Variants in CDK14 observed in about 807,000 individuals in gnomAD.
The protein encoded by CDK14 is cyclin dependent kinase 14.
Under a neutral mutation model 60.7 loss-of-function variants are expected in CDK14, and 34 were observed. That is an observed-to-expected ratio of 0.56 (90% CI 0.43 to 0.75). CDK14 has a LOEUF of 0.75. CDK14 is among the 30% of genes least tolerant of loss of function. The pLI, the probability that CDK14 is intolerant of heterozygous loss-of-function variation, is 0.00. For missense variants in CDK14, 482 were observed against 564.1 expected (o/e 0.85, Z 1.47); for synonymous variants, 197 against 203.7 (o/e 0.97, Z 0.28).
intron 14 of CDK14, among the ~76,000 whole-genome samples, chr7:91,181,118 A>G (rs1314518766): frequency 6.6e-6 from 1 of 152,210 alleles, no homozygotes; most frequent in Non-Finnish European, 1.5e-5. Flanking sequence ...TAATACTATT[A>G]AATATTCAGC....
intron 2 of CDK14, chr7:90,710,008 C>G (rs1490389948): frequency 1.1e-6 from 1 of 946,782 alleles, no homozygotes; most frequent in Non-Finnish European, 1.3e-6. Flanking sequence ...TTTGGAGCAT[C>G]TCGGCAAGTC....
rs114523205 is a variant in CDK14 at position 91,137,986 on chromosome 7, A to G, written c.*28+19778A>G. Among the ~76,000 whole-genome samples, 648 of 152,318 alleles carry G rather than the reference A, an allele frequency of 4.3e-3. 4 individuals are homozygous for G. Among genetic ancestry groups the G allele is most frequent in the African/African-American group, 0.015 (617 of 41,568 alleles). On this transcript the variant is annotated intron_variant, in intron 14 of 14. Coordinates refer to ENST00000380050, the MANE Select transcript of CDK14 (RefSeq NM_001287135.2). ...GGATAATTATTGCATGAACATGGCAAGCTTAAACTAAACAGATGAAAATAG... is the reference window on the plus strand; with the variant it reads ...GGATAATTATTGCATGAACATGGCAGGCTTAAACTAAACAGATGAAAATAG...
intron 14 of CDK14, among the ~76,000 whole-genome samples, chr7:91,130,275 C>T (rs1800077213): frequency 6.6e-6 from 1 of 152,140 alleles, no homozygotes; most frequent in African/African-American, 2.4e-5. Context: ...TGCCACTCCT[C>T]CCACTAATTC....
chr7:90,841,659 T>TACACACACACACACACACACACACACAC (rs57434660), intron 5 of CDK14, among the ~76,000 whole-genome samples: 61 of 139,384 alleles, frequency 4.4e-4, no homozygotes, highest in Middle Eastern at 3.5e-3. Context: ...TATATATATG[T>TACACACACACACACACACACACACACAC]ACACACACAC....
intron 8 of CDK14, among the ~76,000 whole-genome samples, chr7:90,952,241 G>C (rs920834547): frequency 1.3e-5 from 2 of 152,162 alleles, no homozygotes; most frequent in African/African-American, 4.8e-5. Context: ...TAGGGAAAAT[G>C]TCGGGAGCAC....
At chr7:90,699,629 C>G (rs924990610) in intron 2 of CDK14, among the ~76,000 whole-genome samples, 3 of 152,184 alleles carry the variant, frequency 2.0e-5, no homozygotes, top group African/African-American at 7.2e-5. Context: ...CTCTTTCCTC[C>G]TTATCAAACC....
chr7:90,651,083 C>A (rs1452403925), intron 2 of CDK14, among the ~76,000 whole-genome samples: 5 of 152,194 alleles, frequency 3.3e-5, no homozygotes, highest in Admixed American at 3.3e-4. Context: ...TTCTTCCTAT[C>A]CATGAGCATG....
At chr7:91,137,185 C>G (rs1428209375) in intron 14 of CDK14, among the ~76,000 whole-genome samples, 1 of 152,182 alleles carries the variant, frequency 6.6e-6, no homozygotes, top group Non-Finnish European at 1.5e-5. Flanking sequence ...TGTCTCTGAT[C>G]TAAGTAAACT....
At chr7:91,076,270 A>T (rs999111627) in intron 11 of CDK14, among the ~76,000 whole-genome samples, 3 of 146,434 alleles carry the variant, frequency 2.0e-5, no homozygotes, top group Non-Finnish European at 3.0e-5. Context: ...AAAAAAAAAA[A>T]AAAAAATCAT....
rs537053429 is a variant in CDK14 at position 91,060,959 on chromosome 7, T to G, written c.1105+14999T>G. Among the ~76,000 whole-genome samples, 523 of 152,344 alleles carry G rather than the reference T, an allele frequency of 3.4e-3. 3 individuals carry two copies. The highest frequency in any genetic ancestry group is 0.012 in the African/African-American group (493 of 41,576). ...TGAATTTTGGCCTGCCTTGCTAGATTGGGGAAGTTCTCCTGGATAATATCC... is the reference window on the plus strand; with the variant it reads ...TGAATTTTGGCCTGCCTTGCTAGATGGGGGAAGTTCTCCTGGATAATATCC... On this transcript the variant is annotated intron_variant, in intron 11 of 14. Coordinates refer to ENST00000380050, the MANE Select transcript of CDK14 (RefSeq NM_001287135.2).
At position 91,046,099 on chromosome 7, in the gene CDK14, T is replaced by C. The variant is rs879063431; in HGVS notation, c.1105+139T>C. On this transcript the variant is annotated intron_variant, in intron 11 of 14. Transcript: ENST00000380050. The stretch of plus-strand genomic sequence containing the variant: ...TTGTGTACTTTGTCTATTAATGGAA[T>C]TGTCCTTTTATTTTCACAAATTATT... 5.1e-5 allele frequency: 31 copies of C among 610,426 alleles called. No individual in the cohort carries two copies. The South Asian group carries it at 5.9e-4, about 12-fold the overall frequency. 37.8% of individuals were successfully genotyped at this position (610,426 alleles called of 1,614,324 possible).
intron 10 of CDK14, among the ~76,000 whole-genome samples, chr7:91,032,482 A>G (rs1471020798): frequency 6.6e-6 from 1 of 152,166 alleles, no homozygotes; most frequent in Non-Finnish European, 1.5e-5. Context: ...AAATGGGGTA[A>G]TTATCGTTGA....
At chr7:90,953,570 T>C (rs1189523656) in intron 8 of CDK14, among the ~76,000 whole-genome samples, 2 of 152,210 alleles carry the variant, frequency 1.3e-5, no homozygotes, top group African/African-American at 2.4e-5. Context: ...TACTTCTAGA[T>C]TATTTTGAGG....
chr7:90,816,452 T>C (rs1307192083), intron 5 of CDK14, among the ~76,000 whole-genome samples: 1 of 152,242 alleles, frequency 6.6e-6, no homozygotes, highest in Non-Finnish European at 1.5e-5. Flanking sequence ...GGACTTATTT[T>C]CTTTATACTT....
intron 2 of CDK14, among the ~76,000 whole-genome samples, chr7:90,656,117 C>T (rs545555293): frequency 2.0e-5 from 3 of 152,296 alleles, no homozygotes; most frequent in African/African-American, 7.2e-5. Context: ...ATAAGGCAAA[C>T]AGAGTGCACT....
intron 5 of CDK14, among the ~76,000 whole-genome samples, chr7:90,792,497 G>T (rs1805873134): frequency 6.6e-6 from 1 of 152,092 alleles, no homozygotes; most frequent in South Asian, 2.1e-4. Context: ...CATCTGAATG[G>T]AACTCATGAT....
At chr7:90,749,241 A>G (rs372878622) in intron 4 of CDK14, among the ~76,000 whole-genome samples, 139 of 142,932 alleles carry the variant, frequency 9.7e-4, no homozygotes, top group Admixed American at 3.9e-3. Flanking sequence ...GCCTCGTTCT[A>G]TATCTTGAGC....
At chr7:90,982,191 T>G (rs939497820) in intron 9 of CDK14, among the ~76,000 whole-genome samples, 2 of 152,074 alleles carry the variant, frequency 1.3e-5, no homozygotes, top group African/African-American at 4.8e-5. Flanking sequence ...CATAGAGTAA[T>G]CCATAAGCTC....
intron 2 of CDK14, among the ~76,000 whole-genome samples, chr7:90,677,415 G>A (rs1197603349): frequency 6.6e-6 from 1 of 152,180 alleles, no homozygotes; most frequent in Non-Finnish European, 1.5e-5. Context: ...TGCTGCCAAA[G>A]TCTTGTAGTA....
Sources: gnomAD v4.1 joint callset for allele counts (sites outside exome capture counted in the v4.1 genomes callset) on GRCh38, gnomAD v4.1.1 for gene constraint, MANE v1.5 for transcripts, NCBI Gene and HGNC (gene_info 2026-07-23, HGNC 2026-07-21) for gene names.